The following JTB variants were observed in gnomAD, a reference collection of about 807,000 sequenced individuals.
JTB encodes the protein protein JTB.
Under a neutral mutation model 22.1 loss-of-function variants are expected in JTB, and 10 were observed. The ratio of observed to expected loss-of-function variants is 0.45; its 90% CI spans 0.28 to 0.77. The LOEUF (loss-of-function observed/expected upper bound fraction) is 0.77, where lower values mean the gene tolerates loss of function less well. JTB is among the 30% of genes least tolerant of loss of function. The pLI is 0.13. For synonymous variants in JTB, 83 were observed against 66.8 expected, an observed-to-expected ratio of 1.24 and a Z score of -1.18; for missense variants, 137 against 180.3, an observed-to-expected ratio of 0.76 and a Z score of 1.38.
intron 2 of JTB, 100 bp from the exon 3 acceptor site, chr1:153,976,875 T>C (rs939870382): frequency 1.7e-5 from 27 of 1,597,814 alleles, no homozygotes; most frequent in Non-Finnish European, 2.2e-5. Context: ...CCTCATTCCA[T>C]GTGGTGCCGG....
rs1023082096 is a variant in JTB, at chr1:153,977,486, G to T, written c.-234C>A. 1.6e-6 allele frequency: 2 copies of T among 1,260,110 alleles called. No homozygotes were observed. Among genetic ancestry groups the T allele is most frequent in the East Asian group, 7.3e-5 (2 of 27,502 alleles). The allele number at this position is 1,260,110 out of a possible 1,614,324, so 78.1% of individuals were successfully genotyped here. On this transcript the variant is annotated 5_prime_UTR_variant, in exon 1 of 5. Transcript: ENST00000271843. ...TAGGGAGGCGAGCGCCTTCTGCGGG[G>T]TCCGCAGGGCGCTGGAGGAAGGGCC... is the stretch of plus-strand genomic sequence containing the variant.
In JTB at chr1:153,977,429, A is replaced by G. The variant is rs1648834770; in HGVS notation, c.-177T>C. ...GATCTATCAGGACGTCCCCGTTGCC[A>G]CAGCGAGAAAAATCGATATGTTTTT... On this transcript the variant is annotated 5_prime_UTR_variant, in exon 1 of 5. Coordinates refer to ENST00000271843, the MANE Select transcript of JTB (RefSeq NM_006694.4). 4 of 1,378,920 alleles carry G rather than the reference A, an allele frequency of 2.9e-6. No individual in the cohort carries two copies. The South Asian group carries it at 5.3e-5, about 18-fold the overall frequency. The allele number at this position is 1,378,920 out of a possible 1,614,324, so 85.4% of individuals were successfully genotyped here.
Position 153,974,284 on chromosome 1 carries a change from G to C in JTB, c.*395C>G. 2.0e-6 allele frequency: 1 copy of C among 506,214 alleles called. No homozygotes were observed. Among genetic ancestry groups the C allele is most frequent in the Non-Finnish European group, 3.5e-6 (1 of 285,946 alleles). 31.4% of individuals were successfully genotyped at this position (506,214 alleles called of 1,614,324 possible). A position where few individuals can be genotyped will look rare whatever the true frequency, so the allele number is the denominator to read the frequency against. On this transcript the variant is annotated 3_prime_UTR_variant, in exon 5 of 5. Transcript: ENST00000271843. ...CCTCAAATACTTCTGTTATGTATCT[G>C]TGATTTTATTTCTTCTTTGGGTATA...
At position 153,977,502 on chromosome 1, in the gene JTB, A is replaced by G. The variant is rs912051726; in HGVS notation, c.-250T>C. ...TTCTGCGGGGTCCGCAGGGCGCTGG[A>G]GGAAGGGCCGGCGGGGGCTCGCGGC... On this transcript the variant is annotated 5_prime_UTR_variant, in exon 1 of 5. Transcript: ENST00000271843. 84 of 1,206,462 alleles carry G rather than the reference A, an allele frequency of 7.0e-5. No individual in the cohort carries two copies. The highest frequency in any genetic ancestry group is 8.5e-5 in the Non-Finnish European group (82 of 965,822). The allele number at this position is 1,206,462 out of a possible 1,614,324, so 74.7% of individuals were successfully genotyped here.
At chr1:153,976,497 A>G (rs1230891591) in intron 3 of JTB, among the ~76,000 whole-genome samples, 196 bp downstream of exon 3, 1 of 152,202 alleles carries the variant, frequency 6.6e-6, no homozygotes, top group Non-Finnish European at 1.5e-5. Flanking sequence ...TCAGTTGAAT[A>G]CTGCCATTAG....
Position 153,977,221 on chromosome 1 carries a change from G to A in JTB, c.32C>T (p.Pro11Leu). 3 of 1,614,132 alleles carry A rather than the reference G, an allele frequency of 1.9e-6. No individual in the cohort carries two copies. Among genetic ancestry groups the A allele is most frequent in the Non-Finnish European group, 1.7e-6 (2 of 1,180,010 alleles). ...CAACCAGCAGAGGTGGCGGCCCTGG[G>A]GGAGGCCAGGCCTCCCGGCACCCGC... is the stretch of plus-strand genomic sequence containing the variant. MLAGAGRPGL[P>L]QGRHLCWLLC... The change falls in exon 1 of 5, where the codon CCC becomes CTC. Residue 11 changes from proline (P) to leucine (L), a missense_variant. By Grantham distance (98) the Pro-to-Leu change is moderately conservative. Transcript: ENST00000271843.
chr1:153,974,691 G>T lies in JTB; in HGVS notation c.429C>A (p.Ile143=), dbSNP rs746960040. 1.2e-6 allele frequency: 2 copies of T among 1,612,614 alleles called. No individual in the cohort carries two copies. The highest frequency in any genetic ancestry group is 3.3e-5 in the Admixed American group (2 of 60,000). ...RKALEKVRKQ[I]ESI ...GGGTGGAATGTAGCTATATGGACTC[G>T]ATTTGCTTCCGGACCTTTTCCAGAG... is the stretch of plus-strand genomic sequence containing the variant. Residue 143 remains isoleucine (I), a synonymous_variant, in exon 5 of 5, where the codon ATC becomes ATA. Transcript: ENST00000271843.
rs746449322 is a variant in JTB at position 153,977,658 on chromosome 1, T to C, written c.-406A>G. The C allele has an allele frequency of 6.7e-5, 67 of 994,074 alleles. No homozygotes were observed. The highest frequency in any genetic ancestry group is 5.5e-4 in the Admixed American group (9 of 16,478). The allele number at this position is 994,074 out of a possible 1,614,324, so 61.6% of individuals were successfully genotyped here. ...TTCGGTCGTCGCCCGCTGGGGCTTA[T>C]AGTCTTCCGCGTCGGTGGCGCCTCG... On this transcript the variant is annotated 5_prime_UTR_variant, in exon 1 of 5. Transcript: ENST00000271843.
intron 4 of JTB, 147 bp downstream of exon 4, chr1:153,975,679 C>CT: frequency 1.6e-6 from 1 of 638,206 alleles, no homozygotes; most frequent in Non-Finnish European, 2.7e-6. Flanking sequence ...CTCAGCCTCC[C>CT]TAAGTACTGG....
In JTB at chr1:153,976,744, C is replaced by CA; in HGVS notation, c.152dup (p.Glu52GlyfsTer14). 6.2e-7 allele frequency: 1 copy of CA among 1,614,146 alleles called. No individual in the cohort carries two copies. Among genetic ancestry groups the CA allele is most frequent in the East Asian group, 2.2e-5 (1 of 44,880 alleles). The stretch of plus-strand genomic sequence containing the variant: ...ACTCTTCTGCTACCACAAACTCTTC[C>CA]ACCAGCCAGCATGGCAAATTTGAGG... On this transcript the variant is annotated frameshift_variant, in exon 3 of 5. Transcript: ENST00000271843. LOFTEE classifies it high-confidence loss of function.
intron 3 of JTB, among the ~76,000 whole-genome samples, chr1:153,976,290 G>A (rs1648792761): frequency 6.6e-6 from 1 of 152,130 alleles, no homozygotes; most frequent in Non-Finnish European, 1.5e-5. Flanking sequence ...AGTGAAACCC[G>A]AGTCTACTAA....
At chr1:153,976,946 G>C (rs750195253) in intron 2 of JTB, 30 bp downstream of exon 2, 2 of 1,614,038 alleles carry the variant, frequency 1.2e-6, no homozygotes, top group South Asian at 1.1e-5. Context: ...CAAACGACGG[G>C]ACGTGTCGGG....
rs763576916 is a variant in JTB, at chr1:153,977,271, C to A, written c.-19G>T. On this transcript the variant is annotated 5_prime_UTR_variant, in exon 1 of 5. Coordinates refer to ENST00000271843, the MANE Select transcript of JTB (RefSeq NM_006694.4). ...CAAGCATGGAGCGCCAAGTGTCGCACCTGTCGGAACAGAGGGACCTACTCC... is the reference window on the plus strand; with the variant it reads ...CAAGCATGGAGCGCCAAGTGTCGCAACTGTCGGAACAGAGGGACCTACTCC... 1 of 1,613,348 alleles carries A rather than the reference C, an allele frequency of 6.2e-7. No individual in the cohort carries two copies. The highest frequency in any genetic ancestry group is 2.2e-5 in the East Asian group (1 of 44,876).
chr1:153,974,768 G>C lies in JTB; in HGVS notation c.352C>G (p.Leu118Val). Reference protein sequence around the residue: ...KFEGAVVCVALIFACLVIIRQ... With the variant: ...KFEGAVVCVAVIFACLVIIRQ... ...ATGATGACAAGACAAGCGAAGATCA[G>C]GGCCACACACACGACAGCCCCTTCG... The change falls in exon 5 of 5, where the codon CTG (leucine) becomes GTG (valine). Residue 118 changes from leucine to valine, a missense_variant. Transcript: ENST00000271843. 6.2e-7 allele frequency: 1 copy of C among 1,613,780 alleles called. No homozygotes were observed. Among genetic ancestry groups the C allele is most frequent in the Non-Finnish European group, 8.5e-7 (1 of 1,179,708 alleles).
In JTB at chr1:153,974,291, T is replaced by G. The variant is rs904177622; in HGVS notation, c.*388A>C. 2.0e-6 allele frequency: 1 copy of G among 500,944 alleles called. No homozygotes were observed. The highest frequency in any genetic ancestry group is 3.5e-6 in the Non-Finnish European group (1 of 282,950). The allele number at this position is 500,944 out of a possible 1,614,324, so 31.0% of individuals were successfully genotyped here. On this transcript the variant is annotated 3_prime_UTR_variant, in exon 5 of 5. Coordinates refer to ENST00000271843, the MANE Select transcript of JTB (RefSeq NM_006694.4). Reference sequence around the variant, plus strand: ...TACTTCTGTTATGTATCTGTGATTTTATTTCTTCTTTGGGTATAGGGTTGA... The same window carrying G: ...TACTTCTGTTATGTATCTGTGATTTGATTTCTTCTTTGGGTATAGGGTTGA...
At chr1:153,975,639 C>T (rs919610905) in intron 4 of JTB, among the ~76,000 whole-genome samples, 187 bp downstream of exon 4, 6 of 152,018 alleles carry the variant, frequency 3.9e-5, no homozygotes, top group African/African-American at 1.2e-4. Flanking sequence ...AGGCTGATCT[C>T]GAACTCCTGA....
At chr1:153,977,092 G>C in intron 1 of JTB, 78 bp downstream of exon 1, 1 of 1,613,980 alleles carries the variant, frequency 6.2e-7, no homozygotes, top group South Asian at 1.1e-5. Flanking sequence ...CCATGGATAA[G>C]ATCTCCCCCA....
chr1:153,977,465 G>C lies in JTB; in HGVS notation c.-213C>G, dbSNP rs11543275. ...AATCGATATGTTTTTGCGGGCTAGGGAGGCGAGCGCCTTCTGCGGGGTCCG... is the reference window on the plus strand; with the variant it reads ...AATCGATATGTTTTTGCGGGCTAGGCAGGCGAGCGCCTTCTGCGGGGTCCG... On this transcript the variant is annotated 5_prime_UTR_variant, in exon 1 of 5. Coordinates refer to ENST00000271843, the MANE Select transcript of JTB (RefSeq NM_006694.4). 9.1e-6 allele frequency: 12 copies of C among 1,315,622 alleles called. No homozygotes were observed. Among genetic ancestry groups the C allele is most frequent in the Non-Finnish European group, 1.2e-5 (12 of 1,032,094 alleles). The allele number at this position is 1,315,622 out of a possible 1,614,324, so 81.5% of individuals were successfully genotyped here.
Position 153,977,654 on chromosome 1 carries a change from CTT to C in JTB, c.-404_-403del, listed in dbSNP as rs1648848448. 1 of 995,840 alleles carries C rather than the reference CTT, an allele frequency of 1.0e-6. No homozygotes were observed. Among genetic ancestry groups the C allele is most frequent in the African/African-American group, 1.7e-5 (1 of 57,440 alleles). The allele number at this position is 995,840 out of a possible 1,614,324, so 61.7% of individuals were successfully genotyped here. ...GGCGTTCGGTCGTCGCCCGCTGGGG[CTT>C]ATAGTCTTCCGCGTCGGTGGCGCCT... On this transcript the variant is annotated 5_prime_UTR_variant, in exon 1 of 5. It adds an upstream start codon to the 5' untranslated region. Coordinates refer to ENST00000271843, the MANE Select transcript of JTB (RefSeq NM_006694.4).
Sources: allele counts gnomAD v4.1 joint callset (sites outside exome capture counted in the v4.1 genomes callset), GRCh38; gene constraint gnomAD v4.1.1; transcripts MANE v1.5; gene names NCBI Gene and HGNC (gene_info 2026-07-23, HGNC 2026-07-21).